TRPM7: variants seen among roughly 807,000 people sequenced by gnomAD.
TRPM7 encodes the protein transient receptor potential cation channel subfamily M member 7.
TRPM7 carries 134 observed loss-of-function variants against 229.7 expected under a neutral mutation model. The observed-to-expected ratio is 0.58, with a 90% CI of 0.51 to 0.67. TRPM7 has a LOEUF of 0.67. TRPM7 is among the 30% of genes least tolerant of loss of function. The probability of loss-of-function intolerance (pLI) is 0.00; values close to 1 mark genes in which losing one functional copy is unlikely to be tolerated. For missense variants in TRPM7, 1,901 were observed against 2,210.0 expected (o/e 0.86, Z 2.80); for synonymous variants, 699 against 715.2 (o/e 0.98, Z 0.36).
intron 1 of TRPM7, among the ~76,000 whole-genome samples, chr15:50,669,544 T>G (rs566611462): frequency 8.1e-4 from 124 of 152,322 alleles, no homozygotes; most frequent in African/African-American, 3.0e-3. Flanking sequence ...GCCTATATAA[T>G]TATTCTTGCT....
chr15:50,578,279 A>G (rs777317750), intron 31 of TRPM7, among the ~76,000 whole-genome samples: 1 of 152,244 alleles, frequency 6.6e-6, no homozygotes, highest in Non-Finnish European at 1.5e-5. Flanking sequence ...AGAGACATGT[A>G]GGAAGTAAAT....
chr15:50,644,302 GATATC>G (rs149179967), intron 4 of TRPM7, among the ~76,000 whole-genome samples: 4,023 of 152,270 alleles, frequency 0.026, 80 homozygotes, highest in South Asian at 0.083. Flanking sequence ...CTGTTTAAGT[GATATC>G]ATAAGACTTA....
At chr15:50,657,725 T>C (rs1460861848) in intron 3 of TRPM7, 56 bp downstream of exon 3, 5 of 1,450,530 alleles carry the variant, frequency 3.4e-6, no homozygotes, top group Non-Finnish European at 4.8e-6. Flanking sequence ...ATATTTCTAA[T>C]AGATTAGTTT....
chr15:50,614,555 C>A (rs1316125540), intron 13 of TRPM7, among the ~76,000 whole-genome samples: 3 of 151,348 alleles, frequency 2.0e-5, no homozygotes, highest in Admixed American at 6.6e-5. Context: ...GTCCCAGCTA[C>A]TCAAGAGGCT....
chr15:50,620,878 G>A (rs1390043649), intron 12 of TRPM7, among the ~76,000 whole-genome samples: 3 of 151,876 alleles, frequency 2.0e-5, no homozygotes, highest in South Asian at 4.1e-4. Context: ...GTTGCGGTAA[G>A]CCGAGATCGC....
rs1469760532 is a variant in TRPM7 at position 50,557,973 on chromosome 15, A to C, written c.*3705T>G. ...ATTCCACATTTTAAGAATATGGTAA[A>C]AGAGTTTTATTCTCTTCAGTAAGAT... On this transcript the variant is annotated 3_prime_UTR_variant, in exon 39 of 39. Transcript: ENST00000646667. 6.6e-6 allele frequency: 1 copy of C among 152,234 alleles called. No individual in the cohort carries two copies. Among genetic ancestry groups the C allele is most frequent in the Non-Finnish European group, 1.5e-5 (1 of 68,034 alleles). The allele number at this position is 152,234 out of a possible 1,614,324, so 9.4% of individuals were successfully genotyped here.
At position 50,607,281 on chromosome 15, in the gene TRPM7, T is replaced by C; in HGVS notation, c.2628A>G (p.Val876=). 6.2e-7 allele frequency: 1 copy of C among 1,607,212 alleles called. No individual in the cohort carries two copies. Among genetic ancestry groups the C allele is most frequent in the African/African-American group, 1.3e-5 (1 of 74,912 alleles). The change falls in exon 20 of 39, where the codon GTA becomes GTG. Residue 876 remains valine, a synonymous_variant. Coordinates refer to ENST00000646667, the MANE Select transcript of TRPM7 (RefSeq NM_017672.6). ...FLMLYTFVVL[V]QMEQLPSVQE... is the part of the protein sequence containing the mutation. The stretch of plus-strand genomic sequence containing the variant: ...GAACTGAAGGTAACTGTTCCATTTG[T>C]ACAAGAACCACAAATGTATAAAGCA...
intron 1 of TRPM7, among the ~76,000 whole-genome samples, chr15:50,677,474 C>T (rs988873579): frequency 4.6e-5 from 7 of 152,058 alleles, no homozygotes; most frequent in African/African-American, 1.7e-4. Context: ...GGCGTGGTGG[C>T]TCACACCTAT....
chr15:50,614,358 A>G, intron 13 of TRPM7, 95 bp from the exon 14 acceptor site: 2 of 1,175,432 alleles, frequency 1.7e-6, no homozygotes, highest in South Asian at 3.9e-5. Context: ...AAAATGACAA[A>G]TGTTTACTTC....
intron 1 of TRPM7, among the ~76,000 whole-genome samples, chr15:50,683,733 T>C (rs1179638871): frequency 2.0e-5 from 3 of 151,158 alleles, no homozygotes; most frequent in East Asian, 1.9e-4. Flanking sequence ...AAAAACAAAA[T>C]AAAACAACAA....
intron 26 of TRPM7, among the ~76,000 whole-genome samples, chr15:50,590,172 T>C (rs1352948752): frequency 6.6e-6 from 1 of 151,866 alleles, no homozygotes; most frequent in Admixed American, 6.6e-5. Context: ...ATAGTTAAGT[T>C]TACAGTAACG....
chr15:50,583,417 A>G lies in TRPM7; in HGVS notation c.4487-258T>C, dbSNP rs556940174. Among the ~76,000 whole-genome samples the G allele has an allele frequency of 5.9e-5, 9 of 152,236 alleles. No individual in the cohort carries two copies. In the East Asian group the frequency reaches 1.7e-3, roughly 29 times the overall value. On this transcript the variant is annotated intron_variant, in intron 28 of 38. Coordinates refer to ENST00000646667, the MANE Select transcript of TRPM7 (RefSeq NM_017672.6). ...AAAAATTTCTCCCCCTCCTGTTCCC[A>G]ATCACCCTGACTGGGGACAGTAAAG...
intron 9 of TRPM7, among the ~76,000 whole-genome samples, chr15:50,632,019 G>C (rs1417475449): frequency 1.3e-5 from 2 of 152,094 alleles, no homozygotes; most frequent in Admixed American, 1.3e-4. Context: ...TAAAGTGAAA[G>C]ATGGCCAGGC....
At chr15:50,571,500 T>C (rs981958780) in intron 36 of TRPM7, among the ~76,000 whole-genome samples, 2 of 152,008 alleles carry the variant, frequency 1.3e-5, no homozygotes, top group Non-Finnish European at 2.9e-5. Flanking sequence ...GCTGCTACAC[T>C]ATAGACTATC....
intron 22 of TRPM7, among the ~76,000 whole-genome samples, chr15:50,597,913 G>A (rs1010013678): frequency 5.3e-5 from 8 of 151,196 alleles, no homozygotes; most frequent in African/African-American, 1.5e-4. Flanking sequence ...GGTGAGACTC[G>A]GTCTCAAAAA....
chr15:50,619,374 C>T (rs570959579), intron 13 of TRPM7, among the ~76,000 whole-genome samples: 1 of 151,926 alleles, frequency 6.6e-6, no homozygotes. Context: ...GTGTGCACCA[C>T]CATGCCCAGG....
At chr15:50,562,489 G>A (rs147821730) in intron 38 of TRPM7, among the ~76,000 whole-genome samples, 1 of 152,246 alleles carries the variant, frequency 6.6e-6, no homozygotes, top group Non-Finnish European at 1.5e-5. Flanking sequence ...TGCCTTGAAG[G>A]CAGGGTGCAG....
intron 28 of TRPM7, among the ~76,000 whole-genome samples, chr15:50,583,623 C>G (rs1353882184): frequency 6.7e-6 from 1 of 148,910 alleles, no homozygotes; most frequent in Non-Finnish European, 1.5e-5. Flanking sequence ...GTTGCCCAGG[C>G]TGGAGAGCAG....
At chr15:50,677,950 T>A (rs1002558419) in intron 1 of TRPM7, among the ~76,000 whole-genome samples, 12 of 150,478 alleles carry the variant, frequency 8.0e-5, no homozygotes, top group Admixed American at 3.3e-4. Flanking sequence ...ACTAAAGACC[T>A]AGAAATTGGC....
Sources: allele counts gnomAD v4.1 joint callset (sites outside exome capture counted in the v4.1 genomes callset), GRCh38; gene constraint gnomAD v4.1.1; transcripts MANE v1.5; gene names NCBI Gene and HGNC (gene_info 2026-07-23, HGNC 2026-07-21).